The following PALMD variants were observed in gnomAD, a reference collection of about 807,000 sequenced individuals.
PALMD encodes palmdelphin, also known as paralemmin-like protein.
Under a neutral mutation model 56.2 loss-of-function variants are expected in PALMD, and 42 were observed. That is an observed-to-expected ratio of 0.75 (90% CI 0.58 to 0.97). The LOEUF (loss-of-function observed/expected upper bound fraction) is 0.97. Among genes scored for constraint, PALMD ranks in the 50% least tolerant of loss-of-function variants. The pLI, the probability that PALMD is intolerant of heterozygous loss-of-function variation, is 0.00. For missense variants in PALMD, 660 were observed against 643.8 expected (o/e 1.03, Z -0.27); for synonymous variants, 242 against 222.9 (o/e 1.09, Z -0.76).
chr1:99,647,606 T>C (rs1652471881), intron 1 of PALMD, among the ~76,000 whole-genome samples: 1 of 152,244 alleles, frequency 6.6e-6, no homozygotes, highest in East Asian at 1.9e-4. Flanking sequence ...TCCTTTTTTG[T>C]CATTAAACTC....
At chr1:99,681,091 A>ATGTGTG (rs1327669485) in intron 3 of PALMD, among the ~76,000 whole-genome samples, 2 of 121,080 alleles carry the variant, frequency 1.7e-5, no homozygotes, top group African/African-American at 6.4e-5. Flanking sequence ...ATATACATAT[A>ATGTGTG]TGTGTGTGTA....
chr1:99,655,654 T>C (rs1173736725), intron 1 of PALMD, among the ~76,000 whole-genome samples: 1 of 152,204 alleles, frequency 6.6e-6, no homozygotes, highest in Non-Finnish European at 1.5e-5. Context: ...AATATTTTTC[T>C]GTCATGTCTA....
At chr1:99,690,991 A>G (rs1653641479) in intron 7 of PALMD, among the ~76,000 whole-genome samples, 1 of 152,188 alleles carries the variant, frequency 6.6e-6, no homozygotes, top group Non-Finnish European at 1.5e-5. Context: ...CCATTATTTT[A>G]AGTAGTTAAA....
intron 3 of PALMD, among the ~76,000 whole-genome samples, chr1:99,677,012 A>T (rs1653228015): frequency 6.6e-6 from 1 of 152,204 alleles, no homozygotes; most frequent in Non-Finnish European, 1.5e-5. Context: ...GAATTTCCAG[A>T]GAGATTATTT....
At chr1:99,668,370 T>A (rs1653013594) in intron 3 of PALMD, 1 of 152,278 alleles carries the variant, frequency 6.6e-6, no homozygotes, top group Admixed American at 6.5e-5. Flanking sequence ...CTGAGCCTAT[T>A]TCCTGCAGAA....
chr1:99,680,669 T>C (rs1412356475), intron 3 of PALMD, among the ~76,000 whole-genome samples: 1 of 152,144 alleles, frequency 6.6e-6, no homozygotes, highest in Non-Finnish European at 1.5e-5. Flanking sequence ...AGCTGAAAGA[T>C]AGGCATGTGA....
chr1:99,690,441 T>C (rs1653630636), intron 7 of PALMD, among the ~76,000 whole-genome samples: 1 of 152,190 alleles, frequency 6.6e-6, no homozygotes, highest in Non-Finnish European at 1.5e-5. Context: ...TTCTATAACC[T>C]TTAACTTTGC....
intron 2 of PALMD, among the ~76,000 whole-genome samples, chr1:99,663,358 T>C (rs1652890299): frequency 1.3e-5 from 2 of 152,114 alleles, no homozygotes; most frequent in African/African-American, 4.8e-5. Context: ...CCTTCCAATA[T>C]GTCACATTGA....
At chr1:99,681,089 A>T (rs1301494730) in intron 3 of PALMD, among the ~76,000 whole-genome samples, 1 of 129,970 alleles carries the variant, frequency 7.7e-6, no homozygotes, top group East Asian at 2.4e-4. Context: ...ATATATACAT[A>T]TATGTGTGTG....
chr1:99,656,144 C>T (rs985164296), intron 1 of PALMD, among the ~76,000 whole-genome samples: 1 of 152,106 alleles, frequency 6.6e-6, no homozygotes, highest in Non-Finnish European at 1.5e-5. Flanking sequence ...TAAATAGTAG[C>T]TCTCTTTTCT....
At chr1:99,655,532 T>C (rs1652703263) in intron 1 of PALMD, among the ~76,000 whole-genome samples, 1 of 152,176 alleles carries the variant, frequency 6.6e-6, no homozygotes, top group African/African-American at 2.4e-5. Flanking sequence ...TCACCAGTCT[T>C]TAAATATTCA....
chr1:99,681,061 C>A (rs1653328658), intron 3 of PALMD, among the ~76,000 whole-genome samples: 1 of 151,348 alleles, frequency 6.6e-6, no homozygotes, highest in African/African-American at 2.4e-5. Context: ...CCCTCTTTTT[C>A]CCCAGCAAAT....
At chr1:99,677,707 T>A (rs74481881) in intron 3 of PALMD, among the ~76,000 whole-genome samples, 5 of 152,146 alleles carry the variant, frequency 3.3e-5, no homozygotes, top group African/African-American at 1.2e-4. Flanking sequence ...CTGGGAAATG[T>A]AGTCCATAGC....
At position 99,689,546 on chromosome 1, in the gene PALMD, A is replaced by T; in HGVS notation, c.1286A>T (p.Asp429Val). The change falls in exon 7 of 8, where the codon GAT (aspartate) becomes GTT (valine). Residue 429 changes from aspartate to valine, a missense_variant. Asp to Val is a radical substitution (Grantham distance 152). Transcript: ENST00000263174. The stretch of plus-strand genomic sequence containing the variant: ...CAGCAGGCAGAAGACAGTGAAGAAG[A>T]TAAGAAGTTTCTGACAGGATATGAT... ...GYQQAEDSEE[D>V]KKFLTGYDGI... 1.2e-6 allele frequency: 2 copies of T among 1,613,826 alleles called. No individual in the cohort carries two copies. Among genetic ancestry groups the T allele is most frequent in the South Asian group, 2.2e-5 (2 of 91,070 alleles).
chr1:99,692,596 C>G (rs1183546057), intron 7 of PALMD, among the ~76,000 whole-genome samples: 2 of 152,130 alleles, frequency 1.3e-5, no homozygotes, highest in African/African-American at 4.8e-5. Context: ...GCAAACTTCT[C>G]TGAATGTCCA....
chr1:99,647,907 T>C (rs1652479300), intron 1 of PALMD, among the ~76,000 whole-genome samples: 1 of 152,204 alleles, frequency 6.6e-6, no homozygotes. Context: ...GCCACACATG[T>C]TCCAAAGATA....
At position 99,656,921 on chromosome 1, in the gene PALMD, C is replaced by T. The variant is rs72964330; in HGVS notation, c.46-5398C>T. On this transcript the variant is annotated intron_variant, in intron 1 of 7. Coordinates refer to ENST00000263174, the MANE Select transcript of PALMD (RefSeq NM_017734.5). ...CATGACTCAGTGGTTGCCCTTTGTGCTCCCCGCAATCTGTTTATTTGAAAT... is the reference window on the plus strand; with the variant it reads ...CATGACTCAGTGGTTGCCCTTTGTGTTCCCCGCAATCTGTTTATTTGAAAT... Among the ~76,000 whole-genome samples the T allele has an allele frequency of 4.5e-3, 679 of 152,262 alleles. 5 individuals carry two copies. Among genetic ancestry groups the T allele is most frequent in the African/African-American group, 0.016 (654 of 41,544 alleles).
At chr1:99,664,367 G>C (rs915646159) in intron 2 of PALMD, among the ~76,000 whole-genome samples, 8 of 152,154 alleles carry the variant, frequency 5.3e-5, no homozygotes, top group African/African-American at 1.9e-4. Context: ...AATTTATATG[G>C]ATGTATATAG....
At chr1:99,676,245 T>C (rs1653210336) in intron 3 of PALMD, among the ~76,000 whole-genome samples, 1 of 152,172 alleles carries the variant, frequency 6.6e-6, no homozygotes, top group South Asian at 2.1e-4. Context: ...AGATCTTCCT[T>C]ATTATACACA....
Sources: allele counts gnomAD v4.1 joint callset (sites outside exome capture counted in the v4.1 genomes callset), GRCh38; gene constraint gnomAD v4.1.1; transcripts MANE v1.5; gene names NCBI Gene and HGNC (gene_info 2026-07-23, HGNC 2026-07-21).